Variants in MPRIP observed in about 807,000 individuals in gnomAD.
MPRIP encodes the protein myosin phosphatase Rho-interacting protein.
Under a neutral mutation model 234.9 loss-of-function variants are expected in MPRIP, and 59 were observed. The observed-to-expected ratio is 0.25, with a 90% CI of 0.20 to 0.31. The LOEUF is 0.31. MPRIP is among the 10% of genes least tolerant of loss of function. The probability of loss-of-function intolerance (pLI) is 1.00; values close to 1 mark genes in which losing one functional copy is unlikely to be tolerated. For synonymous variants in MPRIP, 1,144 were observed against 1,263.9 expected (o/e 0.91, Z 2.01); for missense variants, 2,436 against 3,071.0 (o/e 0.79, Z 4.89).
At position 17,078,419 on chromosome 17, in the gene MPRIP, T is replaced by C. The variant is rs1034158809; in HGVS notation, c.267+343T>C. On this transcript the variant is annotated intron_variant, in intron 3 of 23. Coordinates refer to ENST00000651222, the MANE Select transcript of MPRIP (RefSeq NM_001364716.4). This position sits in a 1 kb window ranked among gnomAD's most constrained non-coding sequence, Gnocchi z 4.3. ...ATCACGTGTGCAGGCTGTGGACCTG[T>C]GGGCGTGGGGCAGGGGCTGGCCCTG... is the stretch of plus-strand genomic sequence containing the variant. Among the ~76,000 whole-genome samples, 1 of 152,222 alleles carries C rather than the reference T, an allele frequency of 6.6e-6. No homozygotes were observed. The highest frequency in any genetic ancestry group is 2.4e-5 in the African/African-American group (1 of 41,464).
intron 12 of MPRIP, among the ~76,000 whole-genome samples, chr17:17,152,322 T>G (rs1246103453): frequency 6.6e-6 from 1 of 152,272 alleles, no homozygotes; most frequent in African/African-American, 2.4e-5. Context: ...CCCATCTTCA[T>G]GAGCAGCTTT....
chr17:17,135,001 C>T (rs1318399908), intron 5 of MPRIP, among the ~76,000 whole-genome samples: 2 of 152,256 alleles, frequency 1.3e-5, no homozygotes, highest in East Asian at 1.9e-4. Context: ...GAGGCTTGGC[C>T]ATCAGGATGG....
At position 17,190,832 on chromosome 17, in the gene MPRIP, C is replaced by G. The variant is rs2046572246; in HGVS notation, c.*5938C>G. 6.6e-6 allele frequency: 1 copy of G among 152,136 alleles called. No individual in the cohort carries two copies. Among genetic ancestry groups the G allele is most frequent in the Non-Finnish European group, 1.5e-5 (1 of 68,028 alleles). The allele number at this position is 152,136 out of a possible 1,614,324, so 9.4% of individuals were successfully genotyped here. ...TTAAGCTACTGCATGCTTGGTGTAG[C>G]TTGCAATTTCTCTGTATTTAAAAGC... On this transcript the variant is annotated 3_prime_UTR_variant, in exon 24 of 24. Coordinates refer to ENST00000651222, the MANE Select transcript of MPRIP (RefSeq NM_001364716.4).
At chr17:17,082,587 G>T (rs148091340) in intron 3 of MPRIP, among the ~76,000 whole-genome samples, 1 of 152,122 alleles carries the variant, frequency 6.6e-6, no homozygotes, top group Non-Finnish European at 1.5e-5. Flanking sequence ...GAGCCACCGT[G>T]CCCGGTCTGT....
intron 3 of MPRIP, among the ~76,000 whole-genome samples, chr17:17,091,333 G>T (rs967589408): frequency 5.9e-5 from 9 of 152,156 alleles, no homozygotes; most frequent in African/African-American, 1.9e-4. Flanking sequence ...ACCTTTGACA[G>T]ATGAGGAAAC....
In MPRIP at chr17:17,091,210, C is replaced by T. The variant is rs2089709019; in HGVS notation, c.267+13134C>T. Among the ~76,000 whole-genome samples the T allele has an allele frequency of 1.3e-5, 2 of 152,048 alleles. 1 individual carries two copies. Among genetic ancestry groups the T allele is most frequent in the South Asian group, 4.1e-4 (2 of 4,820 alleles). The stretch of plus-strand genomic sequence containing the variant: ...CCGAGGACGACCATATATTCTGGTC[C>T]CAGCAGCGGACCCAGAGGCCGTTCT... On this transcript the variant is annotated intron_variant, in intron 3 of 23. Coordinates refer to ENST00000651222, the MANE Select transcript of MPRIP (RefSeq NM_001364716.4).
chr17:17,152,784 A>ACCAGG (rs2045631290), intron 12 of MPRIP, among the ~76,000 whole-genome samples: 2 of 152,188 alleles, frequency 1.3e-5, no homozygotes, highest in African/African-American at 4.8e-5. Flanking sequence ...TTAGAAAGGA[A>ACCAGG]CCAGGCTGGC....
intron 20 of MPRIP, among the ~76,000 whole-genome samples, chr17:17,175,739 C>T (rs2046241087): frequency 1.3e-5 from 2 of 152,222 alleles, no homozygotes; most frequent in South Asian, 4.1e-4. Flanking sequence ...GCTGCTGCAG[C>T]TCAGGTCAGG....
At chr17:17,139,888 A>G (rs1351498356) in intron 7 of MPRIP, among the ~76,000 whole-genome samples, 2 of 152,286 alleles carry the variant, frequency 1.3e-5, no homozygotes, top group Non-Finnish European at 2.9e-5. Context: ...GGCTGCCTTA[A>G]TGTTTCATAG....
Position 17,158,608 on chromosome 17 carries a change from T to C in MPRIP, c.2006T>C (p.Ile669Thr). Residue 669 changes from isoleucine (I) to threonine (T), a missense_variant, in exon 14 of 24, where the codon ATC becomes ACC. Physicochemically the swap from Ile to Thr is moderately conservative, Grantham distance 89. Transcript: ENST00000651222. The stretch of plus-strand genomic sequence containing the variant: ...TTTGACTGGGCTGAGTTCCGTCCCA[T>C]CCAGCAGGCCCTGGCTCAGGAGCGG... Reference protein sequence around the residue: ...KTFDWAEFRPIQQALAQERVG... With the variant: ...KTFDWAEFRPTQQALAQERVG... 6.2e-7 allele frequency: 1 copy of C among 1,605,508 alleles called. No homozygotes were observed. Among genetic ancestry groups the C allele is most frequent in the Non-Finnish European group, 8.5e-7 (1 of 1,176,728 alleles).
chr17:17,122,784 T>A (rs2090417359), intron 3 of MPRIP, among the ~76,000 whole-genome samples: 1 of 152,232 alleles, frequency 6.6e-6, no homozygotes, highest in Non-Finnish European at 1.5e-5. Context: ...AGTGGGAATG[T>A]GAGATGGCAC....
rs1452814130 is a variant in MPRIP, at chr17:17,174,133, C to A, written c.6750+58C>A. ...TCAGGGGCACTCAAGGTCAGGTAGA[C>A]CCATAGTCAGGTGAGTCCACACTGG... On this transcript the variant is annotated intron_variant, in intron 19 of 23. Transcript: ENST00000651222. The A allele has an allele frequency of 2.5e-6, 4 of 1,584,286 alleles. No individual in the cohort carries two copies. In the Admixed American group the frequency reaches 5.2e-5, roughly 20 times the overall value.
At chr17:17,049,801 C>T (rs1216369834) in intron 1 of MPRIP, among the ~76,000 whole-genome samples, 2 of 152,170 alleles carry the variant, frequency 1.3e-5, no homozygotes, top group African/African-American at 2.4e-5. Context: ...GGCACAGGGG[C>T]ACAGTGTGCC....
chr17:17,142,399 T>C, intron 7 of MPRIP: 1 of 495,390 alleles, frequency 2.0e-6, no homozygotes, highest in Non-Finnish European at 3.6e-6. Context: ...GCAGGGCCTC[T>C]AGCGCGGGGG....
rs774304352 is a variant in MPRIP at position 17,161,315 on chromosome 17, C to T, written c.2476C>T (p.Leu826=). The change falls in exon 15 of 24, where the codon CTG becomes TTG. Residue 826 remains leucine (L), a synonymous_variant. Transcript: ENST00000651222. The part of the protein sequence containing the change: ...RLLQDQLRVA[L]GREQSAREGY... Reference sequence around the variant, plus strand: ...CCTGCAGGACCAGCTGAGGGTGGCCCTGGGCCGGGAGCAGAGCGCCCGTGA... The same window carrying T: ...CCTGCAGGACCAGCTGAGGGTGGCCTTGGGCCGGGAGCAGAGCGCCCGTGA... 52 of 1,593,352 alleles carry T rather than the reference C, an allele frequency of 3.3e-5. No individual in the cohort carries two copies. The highest frequency in any genetic ancestry group is 4.3e-5 in the Non-Finnish European group (50 of 1,167,826).
In MPRIP at chr17:17,185,458, A is replaced by G. The variant is rs1280065924; in HGVS notation, c.*564A>G. Reference sequence around the variant, plus strand: ...TGTATTTGTTCCACTGATGCAGCTTAGAACCACACCCCTGAGAGTCGTGGC... The same window carrying G: ...TGTATTTGTTCCACTGATGCAGCTTGGAACCACACCCCTGAGAGTCGTGGC... On this transcript the variant is annotated 3_prime_UTR_variant, in exon 24 of 24. Transcript: ENST00000651222. 1 of 456,910 alleles carries G rather than the reference A, an allele frequency of 2.2e-6. No individual in the cohort carries two copies. Among genetic ancestry groups the G allele is most frequent in the South Asian group, 1.5e-5 (1 of 64,534 alleles). The allele number at this position is 456,910 out of a possible 1,614,324, so 28.3% of individuals were successfully genotyped here.
chr17:17,144,432 G>T (rs1252274505), intron 9 of MPRIP, among the ~76,000 whole-genome samples: 1 of 152,218 alleles, frequency 6.6e-6, no homozygotes, highest in Admixed American at 6.5e-5. Flanking sequence ...TGTTAACTTA[G>T]CTGGGAGCGC....
In MPRIP at chr17:17,042,476, G is replaced by C. The variant is rs1225280639; in HGVS notation, c.-373G>C. On this transcript the variant is annotated 5_prime_UTR_variant, in exon 1 of 24. Transcript: ENST00000651222. ...GCCCCCGTAGTGCGTGAGGCGCTCCGGTCCCATTTGCAGCGGCCGCGGGGC... is the reference window on the plus strand; with the variant it reads ...GCCCCCGTAGTGCGTGAGGCGCTCCCGTCCCATTTGCAGCGGCCGCGGGGC... 6.8e-6 allele frequency: 1 copy of C among 146,174 alleles called. No individual in the cohort carries two copies. Among genetic ancestry groups the C allele is most frequent in the Non-Finnish European group, 1.5e-5 (1 of 65,776 alleles). The allele number at this position is 146,174 out of a possible 1,614,324, so 9.1% of individuals were successfully genotyped here.
intron 3 of MPRIP, among the ~76,000 whole-genome samples, chr17:17,088,215 G>A (rs770615320): frequency 7.2e-5 from 11 of 152,192 alleles, no homozygotes; most frequent in Non-Finnish European, 1.3e-4. Flanking sequence ...GGTTTCTGTG[G>A]CCCACACCCC....
Sources: allele counts gnomAD v4.1 joint callset (sites outside exome capture counted in the v4.1 genomes callset), GRCh38; gene constraint gnomAD v4.1.1; non-coding constraint Gnocchi (gnomAD v3.1); transcripts MANE v1.5; gene names NCBI Gene and HGNC (gene_info 2026-07-23, HGNC 2026-07-21).